FRK: variants seen among roughly 807,000 people sequenced by gnomAD.
FRK encodes the protein tyrosine-protein kinase FRK.
FRK carries 51 observed loss-of-function variants against 56.4 expected under a neutral mutation model. The ratio of observed to expected loss-of-function variants is 0.90; its 90% CI spans 0.72 to 1.14. The LOEUF is 1.14. Ranked by LOEUF, FRK falls within the 50% of genes most tolerant of loss-of-function variation. The pLI, the probability that FRK is intolerant of heterozygous loss-of-function variation, is 0.00. For synonymous variants in FRK, 245 were observed against 217.9 expected, an observed-to-expected ratio of 1.12 and a Z score of -1.10; for missense variants, 570 against 601.4, an observed-to-expected ratio of 0.95 and a Z score of 0.55.
chr6:115,967,739 G>C lies in FRK; in HGVS notation c.631-20C>G. Reference sequence around the variant, plus strand: ...CTGGATCTGTTTCATAGAATAATAAGAGCAATTGTTAAAAAAAAAAAAGTA... The same window carrying C: ...CTGGATCTGTTTCATAGAATAATAACAGCAATTGTTAAAAAAAAAAAAGTA... On this transcript the variant is annotated intron_variant, in intron 3 of 7. Transcript: ENST00000606080. 1 of 1,431,122 alleles carries C rather than the reference G, an allele frequency of 7.0e-7. No individual in the cohort carries two copies. Among genetic ancestry groups the C allele is most frequent in the Non-Finnish European group, 9.2e-7 (1 of 1,086,610 alleles). 88.7% of individuals were successfully genotyped at this position (1,431,122 alleles called of 1,614,324 possible).
At chr6:116,067,425 C>T in the FRK span, among the ~76,000 whole-genome samples, 1 of 152,014 alleles carries the variant, frequency 6.6e-6, no homozygotes, top group African/African-American at 2.4e-5. Context: ...ACTCATCACA[C>T]TCTGTATTTA....
intron 1 of FRK, among the ~76,000 whole-genome samples, chr6:116,025,162 C>G (rs1382692520): frequency 6.6e-6 from 1 of 152,018 alleles, no homozygotes; most frequent in Non-Finnish European, 1.5e-5. Flanking sequence ...TAGTGAGGCC[C>G]CAGAAGATCT....
intron 1 of FRK, among the ~76,000 whole-genome samples, chr6:116,027,251 T>C (rs950045448): frequency 1.3e-5 from 2 of 152,096 alleles, no homozygotes; most frequent in Non-Finnish European, 2.9e-5. Context: ...AACAAAAACA[T>C]AGTCGCAAAT....
At chr6:116,085,862 CAT>C in the FRK span, among the ~76,000 whole-genome samples, 3 of 152,164 alleles carry the variant, frequency 2.0e-5, no homozygotes, top group East Asian at 5.8e-4. Context: ...AGAAAATGGA[CAT>C]GTTTTTGTTT....
chr6:116,058,839 AGGCGG>A, intron 1 of FRK, among the ~76,000 whole-genome samples: 1 of 141,506 alleles, frequency 7.1e-6, no homozygotes, highest in Non-Finnish European at 1.5e-5. Flanking sequence ...TGAACCCGGG[AGGCGG>A]AGCTTGCAGT....
rs1772143133 is a variant in FRK, at chr6:115,940,789, C to T, written c.*1625G>A. 1 of 152,220 alleles carries T rather than the reference C, an allele frequency of 6.6e-6. No homozygotes were observed. The highest frequency in any genetic ancestry group is 1.5e-5 in the Non-Finnish European group (1 of 68,042). 9.4% of individuals were successfully genotyped at this position (152,220 alleles called of 1,614,324 possible). A position where few individuals can be genotyped will look rare whatever the true frequency, so the allele number is the denominator to read the frequency against. On this transcript the variant is annotated 3_prime_UTR_variant, in exon 8 of 8. Coordinates refer to ENST00000606080, the MANE Select transcript of FRK (RefSeq NM_002031.3). ...AAAACCACAATGAGATACCATCTCA[C>T]ACCAGTTAGAATGGTGATCATTAAA... is the stretch of plus-strand genomic sequence containing the variant.
chr6:115,982,041 G>C (rs952080735), intron 2 of FRK, among the ~76,000 whole-genome samples: 1 of 152,150 alleles, frequency 6.6e-6, no homozygotes, highest in Admixed American at 6.5e-5. Context: ...GTTATTTCTG[G>C]GAGTATCTGT....
At chr6:116,033,885 C>T (rs1003306060) in intron 1 of FRK, among the ~76,000 whole-genome samples, 23 of 152,052 alleles carry the variant, frequency 1.5e-4, no homozygotes, top group African/African-American at 5.6e-4. Context: ...ATTGAAAGTT[C>T]AAGGTAGGTT....
chr6:116,027,545 G>A (rs1452978896), intron 1 of FRK, among the ~76,000 whole-genome samples: 1 of 152,108 alleles, frequency 6.6e-6, no homozygotes, highest in Non-Finnish European at 1.5e-5. Context: ...AAAAATTGGA[G>A]TTTGGAGTTT....
intron 6 of FRK, among the ~76,000 whole-genome samples, chr6:115,943,711 G>T (rs1023845176): frequency 1.3e-5 from 2 of 152,044 alleles, no homozygotes; most frequent in Non-Finnish European, 2.9e-5. Flanking sequence ...TTTATTTGTT[G>T]TTTTATGCCC....
the FRK span, among the ~76,000 whole-genome samples, chr6:116,077,481 CA>C: frequency 6.6e-6 from 1 of 152,178 alleles, no homozygotes; most frequent in Admixed American, 6.5e-5. Context: ...CCAACTCATT[CA>C]AATTTGTAAT....
At chr6:115,953,632 T>C (rs982652282) in intron 5 of FRK, among the ~76,000 whole-genome samples, 2 of 152,180 alleles carry the variant, frequency 1.3e-5, no homozygotes, top group Admixed American at 1.3e-4. Context: ...GGCCTAACCC[T>C]GAAGCTGATA....
upstream of FRK, among the ~76,000 whole-genome samples, chr6:116,065,293 A>G (rs756629544): frequency 1.3e-5 from 2 of 152,200 alleles, no homozygotes; most frequent in Admixed American, 6.5e-5. Flanking sequence ...GAGCTATCAT[A>G]AAGGAAAATT....
At chr6:115,979,835 C>T (rs1774131122) in intron 2 of FRK, among the ~76,000 whole-genome samples, 1 of 152,094 alleles carries the variant, frequency 6.6e-6, no homozygotes, top group Non-Finnish European at 1.5e-5. Flanking sequence ...AGCCTAGGAG[C>T]AATAGGCTAT....
rs1772143461 is a variant in FRK at position 115,940,815 on chromosome 6, A to C, written c.*1599T>G. On this transcript the variant is annotated 3_prime_UTR_variant, in exon 8 of 8. Coordinates refer to ENST00000606080, the MANE Select transcript of FRK (RefSeq NM_002031.3). The stretch of plus-strand genomic sequence containing the variant: ...ACCAGTTAGAATGGTGATCATTAAA[A>C]AGTCAGGAAACAACAGGATGCTGTT... 1 of 152,256 alleles carries C rather than the reference A, an allele frequency of 6.6e-6. No homozygotes were observed. The highest frequency in any genetic ancestry group is 2.4e-5 in the African/African-American group (1 of 41,464). The allele number at this position is 152,256 out of a possible 1,614,324, so 9.4% of individuals were successfully genotyped here.
intron 1 of FRK, among the ~76,000 whole-genome samples, chr6:116,027,110 G>A (rs764099327): frequency 1.3e-5 from 2 of 152,142 alleles, no homozygotes; most frequent in Non-Finnish European, 2.9e-5. Context: ...TGAATTCAAA[G>A]TAATTGTTAC....
At chr6:116,004,178 A>C (rs1442761447) in intron 1 of FRK, among the ~76,000 whole-genome samples, 180 bp from the exon 2 acceptor site, 2 of 152,166 alleles carry the variant, frequency 1.3e-5, no homozygotes, top group Non-Finnish European at 1.5e-5. Context: ...CCTGTAACCC[A>C]CACCAACATT....
chr6:116,091,455 G>T, the FRK span, among the ~76,000 whole-genome samples: 1 of 152,032 alleles, frequency 6.6e-6, no homozygotes, highest in Non-Finnish European at 1.5e-5. Flanking sequence ...TCGCTCTTTG[G>T]GTCTGCGCCA....
In FRK at chr6:116,057,262, C is replaced by T. The variant is rs565980454; in HGVS notation, c.344+2706G>A. ...CTGAGCTCATGATTTTAAAAAATTA[C>T]GTTAATTTTCACAGCATTCAGGAGA... On this transcript the variant is annotated intron_variant, in intron 1 of 7. Transcript: ENST00000606080. Among the ~76,000 whole-genome samples, 24 of 152,184 alleles carry T rather than the reference C, an allele frequency of 1.6e-4. No homozygotes were observed. The South Asian group carries it at 4.1e-3, about 26-fold the overall frequency.
Sources: allele counts gnomAD v4.1 joint callset (sites outside exome capture counted in the v4.1 genomes callset), GRCh38; gene constraint gnomAD v4.1.1; transcripts MANE v1.5; gene names NCBI Gene and HGNC (gene_info 2026-07-23, HGNC 2026-07-21).